Variants in ANO10 observed in about 807,000 individuals in gnomAD.
The protein encoded by ANO10 is anoctamin-10.
Under a neutral mutation model 74.7 loss-of-function variants are expected in ANO10, and 77 were observed. That is an observed-to-expected ratio of 1.03 (90% CI 0.86 to 1.25). ANO10 has a LOEUF of 1.25. Ranked by LOEUF, ANO10 falls within the 50% of genes most tolerant of loss-of-function variation. The pLI, the probability that ANO10 is intolerant of heterozygous loss-of-function variation, is 0.00. For synonymous variants in ANO10, 279 were observed against 284.9 expected (o/e 0.98, Z 0.21); for missense variants, 721 against 778.1 (o/e 0.93, Z 0.87).
chr3:43,526,636 G>A (rs2078209671), intron 11 of ANO10, among the ~76,000 whole-genome samples: 1 of 152,052 alleles, frequency 6.6e-6, no homozygotes, highest in Admixed American at 6.5e-5. Flanking sequence ...GAGCATGAAG[G>A]GGCTTCTGGT....
At chr3:43,641,552 C>T (rs1369680608) in intron 1 of ANO10, among the ~76,000 whole-genome samples, 1 of 152,150 alleles carries the variant, frequency 6.6e-6, no homozygotes, top group African/African-American at 2.4e-5. Context: ...AGTTCTCCAC[C>T]CATTGCAGCC....
At chr3:43,689,849 GAGC>G (rs2084328267) in intron 1 of ANO10, among the ~76,000 whole-genome samples, 1 of 152,104 alleles carries the variant, frequency 6.6e-6, no homozygotes, top group Non-Finnish European at 1.5e-5. Context: ...ATCAAAACAG[GAGC>G]AGTATTTCAA....
intron 9 of ANO10, 115 bp from the exon 10 acceptor site, chr3:43,555,584 C>T: frequency 1.0e-6 from 1 of 959,146 alleles, no homozygotes; most frequent in East Asian, 2.6e-5. Context: ...AAGAGTTTCC[C>T]CACCATACAC....
intron 11 of ANO10, among the ~76,000 whole-genome samples, chr3:43,433,854 G>GT (rs1412970750): frequency 2.0e-5 from 3 of 152,090 alleles, no homozygotes; most frequent in Admixed American, 6.5e-5. Flanking sequence ...GACAGCATGA[G>GT]TTACTAAATA....
intron 7 of ANO10, among the ~76,000 whole-genome samples, chr3:43,574,420 G>A (rs1273792876): frequency 4.6e-5 from 7 of 151,586 alleles, no homozygotes; most frequent in Admixed American, 3.9e-4. Flanking sequence ...ACAGGCCTGC[G>A]TCATCATAGC....
chr3:43,653,038 C>T (rs2083806449), intron 1 of ANO10: 1 of 151,412 alleles, frequency 6.6e-6, no homozygotes, highest in South Asian at 2.1e-4. Flanking sequence ...AACCCCATCT[C>T]TACTAAAAAT....
intron 4 of ANO10, among the ~76,000 whole-genome samples, chr3:43,595,026 A>G (rs1488136874): frequency 6.6e-6 from 1 of 152,260 alleles, no homozygotes; most frequent in Non-Finnish European, 1.5e-5. Flanking sequence ...AAATGGATAA[A>G]TTCCTGGACA....
chr3:43,518,231 T>C (rs981425191), intron 11 of ANO10, among the ~76,000 whole-genome samples: 1 of 152,178 alleles, frequency 6.6e-6, no homozygotes, highest in African/African-American at 2.4e-5. Flanking sequence ...ATTAATACTT[T>C]TATAATTTCT....
intron 7 of ANO10, among the ~76,000 whole-genome samples, chr3:43,573,512 C>T (rs1419872724): frequency 6.6e-6 from 1 of 152,162 alleles, no homozygotes; most frequent in Non-Finnish European, 1.5e-5. Flanking sequence ...GGCCTGCATC[C>T]TTCTCTTGGG....
chr3:43,619,755 T>C (rs2083292834), intron 1 of ANO10, among the ~76,000 whole-genome samples: 1 of 151,008 alleles, frequency 6.6e-6, no homozygotes, highest in Non-Finnish European at 1.5e-5. Context: ...TAGTCCCAGC[T>C]ACCCAGGAGG....
intron 11 of ANO10, among the ~76,000 whole-genome samples, chr3:43,505,975 G>T (rs2077279518): frequency 6.6e-6 from 1 of 151,976 alleles, no homozygotes; most frequent in African/African-American, 2.4e-5. Context: ...AATTATTAAA[G>T]AAACAAACAA....
chr3:43,591,334 C>T (rs1411482304), intron 4 of ANO10, among the ~76,000 whole-genome samples: 1 of 152,172 alleles, frequency 6.6e-6, no homozygotes, highest in African/African-American at 2.4e-5. Flanking sequence ...TGTTCCTGTG[C>T]AGCTAAGTGC....
intron 1 of ANO10, among the ~76,000 whole-genome samples, chr3:43,686,779 A>G (rs114082049): frequency 0.022 from 3,275 of 152,286 alleles, 69 homozygotes; most frequent in African/African-American, 0.053. Flanking sequence ...GGTCTAGAAC[A>G]TTTCCATCAT....
chr3:43,661,682 A>G (rs1320083598), intron 1 of ANO10, among the ~76,000 whole-genome samples: 5 of 152,334 alleles, frequency 3.3e-5, no homozygotes, highest in Non-Finnish European at 5.9e-5. Flanking sequence ...AAAGACACAC[A>G]TAGGCTCAAA....
At chr3:43,449,515 C>CTTTTTTTTTTTTTT (rs61265406) in intron 11 of ANO10, among the ~76,000 whole-genome samples, 6 of 107,136 alleles carry the variant, frequency 5.6e-5, no homozygotes, top group South Asian at 3.4e-4. Flanking sequence ...TATCTAGATT[C>CTTTTTTTTTTTTTT]TTTTTTTTTT....
chr3:43,679,980 T>C (rs997775452), intron 1 of ANO10, among the ~76,000 whole-genome samples: 1 of 151,790 alleles, frequency 6.6e-6, no homozygotes, highest in Non-Finnish European at 1.5e-5. Context: ...ACCACAAAGA[T>C]GGGGAAAAAA....
chr3:43,653,958 T>C (rs1304332735), intron 1 of ANO10, among the ~76,000 whole-genome samples: 1 of 148,152 alleles, frequency 6.7e-6, no homozygotes, highest in African/African-American at 2.5e-5. Context: ...TCTGGAAGCA[T>C]CACCTCCTTT....
intron 11 of ANO10, among the ~76,000 whole-genome samples, chr3:43,527,465 T>C (rs1559651508): frequency 6.6e-6 from 1 of 152,204 alleles, no homozygotes; most frequent in Non-Finnish European, 1.5e-5. Context: ...TTTTTCTAGA[T>C]ATAATAACAT....
chr3:43,680,243 G>A (rs187695833), intron 1 of ANO10, among the ~76,000 whole-genome samples: 28 of 152,272 alleles, frequency 1.8e-4, no homozygotes, highest in African/African-American at 6.7e-4. Flanking sequence ...GTCCTTAAAG[G>A]ACCTGATGGA....
Sources: gnomAD v4.1 joint callset for allele counts (sites outside exome capture counted in the v4.1 genomes callset) on GRCh38, gnomAD v4.1.1 for gene constraint, MANE v1.5 for transcripts, NCBI Gene and HGNC (gene_info 2026-07-23, HGNC 2026-07-21) for gene names.